The following SEC23A variants were observed in gnomAD, a reference collection of about 807,000 sequenced individuals.
The protein encoded by SEC23A is protein transport protein Sec23A.
A neutral mutation model predicts 103.7 loss-of-function variants in SEC23A; 56 were observed. The observed-to-expected ratio is 0.54, with a 90% CI of 0.44 to 0.67. SEC23A has a LOEUF of 0.67. Among genes scored for constraint, SEC23A ranks in the 30% least tolerant of loss-of-function variants. The pLI, the probability that SEC23A is intolerant of heterozygous loss-of-function variation, is 0.00. For missense variants in SEC23A, 784 were observed against 936.4 expected (o/e 0.84, Z 2.12); for synonymous variants, 281 against 293.0 (o/e 0.96, Z 0.42).
intron 14 of SEC23A, among the ~76,000 whole-genome samples, chr14:39,049,977 C>T (rs919205795): frequency 6.6e-6 from 1 of 151,884 alleles, no homozygotes; most frequent in Non-Finnish European, 1.5e-5. Flanking sequence ...ACTGTGTTAG[C>T]CAGGATGGTC....
chr14:39,045,379 T>C (rs1885795116), intron 15 of SEC23A, 55 bp from the exon 16 acceptor site: 1 of 1,352,112 alleles, frequency 7.4e-7, no homozygotes, highest in Non-Finnish European at 1.0e-6. Context: ...AAAACAGGTG[T>C]TTACTATTAG....
At chr14:39,072,761 C>A (rs1282686432) in intron 9 of SEC23A, among the ~76,000 whole-genome samples, 1 of 152,102 alleles carries the variant, frequency 6.6e-6, no homozygotes, top group Non-Finnish European at 1.5e-5. Flanking sequence ...CTACAGTGAG[C>A]TATGACTGCA....
chr14:39,052,961 C>A (rs1886118531), intron 14 of SEC23A, among the ~76,000 whole-genome samples: 2 of 152,002 alleles, frequency 1.3e-5, no homozygotes, highest in Non-Finnish European at 2.9e-5. Context: ...CATGGTGAAA[C>A]CCGTCTCTAC....
chr14:39,054,029 C>G (rs1886158617), intron 14 of SEC23A, among the ~76,000 whole-genome samples: 1 of 152,098 alleles, frequency 6.6e-6, no homozygotes, highest in Non-Finnish European at 1.5e-5. Flanking sequence ...AATCCCAACA[C>G]TTTGGGAGAA....
intron 5 of SEC23A, among the ~76,000 whole-genome samples, chr14:39,090,750 GC>G (rs1887633293): frequency 6.6e-6 from 1 of 152,072 alleles, no homozygotes; most frequent in African/African-American, 2.4e-5. Context: ...CCCTGCACTC[GC>G]CCACATCATG....
chr14:39,095,964 G>A lies in SEC23A; in HGVS notation c.155C>T (p.Pro52Leu). The change falls in exon 2 of 20, where the codon CCA (proline) becomes CTA (leucine). Residue 52 changes from proline (P) to leucine (L), a missense_variant. Physicochemically the swap from Pro to Leu is moderately conservative, Grantham distance 98 (BLOSUM62 -3). Coordinates refer to ENST00000307712, the MANE Select transcript of SEC23A (RefSeq NM_006364.4). ...CAGAACAGGTTCATATTGAATAGGT[G>A]GTAAGTCAGGTCTCTCTTTCAGTGG... is the stretch of plus-strand genomic sequence containing the variant. ...FTPLKERPDL[P>L]PIQYEPVLCS... is the part of the protein sequence containing the mutation. 6.2e-7 allele frequency: 1 copy of A among 1,614,112 alleles called. No individual in the cohort carries two copies. Among genetic ancestry groups the A allele is most frequent in the Non-Finnish European group, 8.5e-7 (1 of 1,179,986 alleles).
At chr14:39,084,681 G>GT (rs1295441984) in intron 7 of SEC23A, among the ~76,000 whole-genome samples, 1 of 151,468 alleles carries the variant, frequency 6.6e-6, no homozygotes, top group African/African-American at 2.4e-5. Flanking sequence ...TTTTGTTTTT[G>GT]TTTTTTGAGA....
chr14:39,101,302 A>C (rs1888082636), intron 1 of SEC23A, among the ~76,000 whole-genome samples: 1 of 152,124 alleles, frequency 6.6e-6, no homozygotes, highest in South Asian at 2.1e-4. Flanking sequence ...AGTATATCAA[A>C]TATGTGCCCA....
chr14:39,036,255 G>C (rs567242733), intron 19 of SEC23A, among the ~76,000 whole-genome samples: 1 of 143,036 alleles, frequency 7.0e-6, no homozygotes, highest in East Asian at 2.1e-4. Flanking sequence ...CCAGGAGGCA[G>C]AGGTTGCAGC....
intron 16 of SEC23A, among the ~76,000 whole-genome samples, chr14:39,043,096 AC>A (rs1885704792): frequency 6.6e-6 from 1 of 151,670 alleles, no homozygotes; most frequent in Non-Finnish European, 1.5e-5. Flanking sequence ...CCCAACTCAG[AC>A]CCCCAAGTAG....
chr14:39,049,116 A>G (rs1468943076), intron 14 of SEC23A, among the ~76,000 whole-genome samples: 2 of 150,618 alleles, frequency 1.3e-5, no homozygotes, highest in Non-Finnish European at 3.0e-5. Context: ...CAAGGTGGGA[A>G]GATTGTGCCT....
intron 1 of SEC23A, among the ~76,000 whole-genome samples, chr14:39,098,630 C>T (rs1887975303): frequency 6.6e-6 from 1 of 151,866 alleles, no homozygotes; most frequent in African/African-American, 2.4e-5. Flanking sequence ...CAAAAATTAG[C>T]TGAGCTGGTG....
chr14:39,074,539 G>A lies in SEC23A; in HGVS notation c.988-9C>T. On this transcript the variant is annotated splice_polypyrimidine_tract_variant and intron_variant, in intron 8 of 19. Transcript: ENST00000307712. ...GCCAATGCTTCAAAATGCTACAAAA[G>A]ATTTTCTTAATTAAAATAATATACA... The A allele has an allele frequency of 3.2e-6, 5 of 1,544,496 alleles. No homozygotes were observed. Among genetic ancestry groups the A allele is most frequent in the Non-Finnish European group, 4.5e-6 (5 of 1,119,246 alleles).
intron 9 of SEC23A, among the ~76,000 whole-genome samples, chr14:39,073,415 C>T (rs1025355969): frequency 7.3e-5 from 11 of 151,592 alleles, no homozygotes; most frequent in Admixed American, 1.3e-4. Context: ...GCCTCAGCCT[C>T]CTGAGTAGCT....
intron 9 of SEC23A, among the ~76,000 whole-genome samples, chr14:39,068,572 T>G (rs1263988989): frequency 2.0e-5 from 3 of 152,146 alleles, no homozygotes; most frequent in Admixed American, 2.0e-4. Context: ...AATCATGTAA[T>G]TAGAGACTAG....
intron 1 of SEC23A, among the ~76,000 whole-genome samples, chr14:39,100,015 C>T (rs1888028609): frequency 6.6e-6 from 1 of 152,152 alleles, no homozygotes; most frequent in Non-Finnish European, 1.5e-5. Context: ...CCAGGTTTAA[C>T]TTTCTACAAC....
In SEC23A at chr14:39,091,848, T is replaced by G. The variant is rs555763944; in HGVS notation, c.367-135A>C. 49 of 694,060 alleles carry G rather than the reference T, an allele frequency of 7.1e-5. 1 individual carries two copies. In the African/African-American group the frequency reaches 8.2e-4, roughly 12 times the overall value. 43.0% of individuals were successfully genotyped at this position (694,060 alleles called of 1,614,324 possible). On this transcript the variant is annotated intron_variant, in intron 4 of 19. Transcript: ENST00000307712. The stretch of plus-strand genomic sequence containing the variant: ...CATTTCAGAAATGAAACAGGTTATT[T>G]CTACTGTCATGGAGAGAGATCTAAG...
chr14:39,047,452 G>C lies in SEC23A; in HGVS notation c.1737+1200C>G, dbSNP rs374711662. ...GAAGTCTCTCCTCTGTAAGCATGGA[G>C]TTTCTGGGTTATAGATCAATCAGCA... is the stretch of plus-strand genomic sequence containing the variant. On this transcript the variant is annotated intron_variant, in intron 15 of 19. Transcript: ENST00000307712. 38 of 1,261,578 alleles carry C rather than the reference G, an allele frequency of 3.0e-5. No homozygotes were observed. The South Asian group carries it at 4.7e-4, about 16-fold the overall frequency. 78.1% of individuals were successfully genotyped at this position (1,261,578 alleles called of 1,614,324 possible).
intron 2 of SEC23A, among the ~76,000 whole-genome samples, chr14:39,094,405 T>C (rs1269150484): frequency 1.5e-4 from 1 of 6,678 alleles, no homozygotes; most frequent in Non-Finnish European, 2.3e-4. Flanking sequence ...CACATATATA[T>C]ATATATATAT....
Sources: allele counts gnomAD v4.1 joint callset (sites outside exome capture counted in the v4.1 genomes callset), GRCh38; gene constraint gnomAD v4.1.1; transcripts MANE v1.5; gene names NCBI Gene and HGNC (gene_info 2026-07-23, HGNC 2026-07-21).